Variants in B4GALT5 observed in about 807,000 individuals in gnomAD.
B4GALT5 encodes beta-1,4-galactosyltransferase 5.
In B4GALT5, 11 loss-of-function variants were observed where a neutral mutation model predicts 45.0. That is an observed-to-expected ratio of 0.24 (90% CI 0.15 to 0.40). The LOEUF (loss-of-function observed/expected upper bound fraction) is 0.40. Among genes scored for constraint, B4GALT5 ranks in the 10% least tolerant of loss-of-function variants. B4GALT5 has a pLI of 1.00. For missense variants in B4GALT5, 337 were observed against 500.2 expected, an observed-to-expected ratio of 0.67 and a Z score of 3.11; for synonymous variants, 185 against 182.9, an observed-to-expected ratio of 1.01 and a Z score of -0.09.
intron 1 of B4GALT5, among the ~76,000 whole-genome samples, chr20:49,684,228 T>C (rs1455838688): frequency 1.3e-5 from 2 of 151,724 alleles, no homozygotes; most frequent in Admixed American, 6.6e-5. Context: ...GTCTTGTATA[T>C]GGTGAGCGCT....
At chr20:49,693,181 C>T (rs1055826011) in intron 1 of B4GALT5, among the ~76,000 whole-genome samples, 17 of 152,140 alleles carry the variant, frequency 1.1e-4, no homozygotes, top group African/African-American at 4.1e-4. Flanking sequence ...GATGTATCCC[C>T]ATACTTATGC....
At chr20:49,680,821 T>C (rs903353912) in intron 1 of B4GALT5, among the ~76,000 whole-genome samples, 7 of 151,994 alleles carry the variant, frequency 4.6e-5, no homozygotes, top group African/African-American at 1.7e-4. Context: ...AGCAAGTTTA[T>C]TAAGAAAGTA....
At position 49,656,643 on chromosome 20, in the gene B4GALT5, T is replaced by C; in HGVS notation, c.175A>G (p.Thr59Ala). ...TGCTCATAAACCTGAGCACCGATTG[T>C]TCTCACGTTGTCCCGGATCAGAATG... ...QGILIRDNVR[T>A]IGAQVYEQVL... Residue 59 changes from threonine (T) to alanine (A), a missense_variant, in exon 2 of 9, where the codon ACA (threonine) becomes GCA (alanine). Thr to Ala is a moderately conservative substitution (Grantham distance 58). Coordinates refer to ENST00000371711, the MANE Select transcript of B4GALT5 (RefSeq NM_004776.4). The C allele has an allele frequency of 6.2e-7, 1 of 1,614,218 alleles. No individual in the cohort carries two copies. The highest frequency in any genetic ancestry group is 8.5e-7 in the Non-Finnish European group (1 of 1,180,048).
At chr20:49,660,076 C>T (rs893464857) in intron 1 of B4GALT5, among the ~76,000 whole-genome samples, 1 of 152,156 alleles carries the variant, frequency 6.6e-6, no homozygotes, top group Non-Finnish European at 1.5e-5. Context: ...ATGTGTGCCC[C>T]TCCCATATCA....
At chr20:49,698,676 C>T (rs77102312) in intron 1 of B4GALT5, among the ~76,000 whole-genome samples, 3,285 of 152,216 alleles carry the variant, frequency 0.022, 135 homozygotes, top group African/African-American at 0.076. Flanking sequence ...GACAACTGGA[C>T]GCACATCACA....
chr20:49,662,387 G>C (rs896641136), intron 1 of B4GALT5, among the ~76,000 whole-genome samples: 1 of 152,102 alleles, frequency 6.6e-6, no homozygotes, highest in African/African-American at 2.4e-5. Context: ...AGCTCCATTA[G>C]GGCAAGGCTG....
chr20:49,686,180 T>C (rs899387588), intron 1 of B4GALT5, among the ~76,000 whole-genome samples: 9 of 152,250 alleles, frequency 5.9e-5, no homozygotes, highest in African/African-American at 2.2e-4. Context: ...CCATTCAAAA[T>C]TGTCCATTCT....
chr20:49,711,771 T>A (rs1440597155), intron 1 of B4GALT5, among the ~76,000 whole-genome samples: 1 of 152,224 alleles, frequency 6.6e-6, no homozygotes, highest in Non-Finnish European at 1.5e-5. Context: ...TGCTGCCTGT[T>A]CTATCTTCCC....
At chr20:49,642,705 C>T in intron 4 of B4GALT5, 121 bp from the exon 5 acceptor site, 1 of 680,026 alleles carries the variant, frequency 1.5e-6, no homozygotes, top group Non-Finnish European at 2.6e-6. Flanking sequence ...CTATCTTGTC[C>T]TCAGCTTTCT....
intron 3 of B4GALT5, among the ~76,000 whole-genome samples, chr20:49,646,284 G>A (rs933045566): frequency 2.0e-5 from 3 of 152,186 alleles, no homozygotes; most frequent in African/African-American, 7.2e-5. Context: ...AAAGTCTACA[G>A]TAGTGCAGAG....
At chr20:49,694,220 T>C (rs2085828150) in intron 1 of B4GALT5, among the ~76,000 whole-genome samples, 1 of 152,212 alleles carries the variant, frequency 6.6e-6, no homozygotes, top group African/African-American at 2.4e-5. Flanking sequence ...AGAGGCGATG[T>C]GCCTAGATGG....
At chr20:49,689,638 G>A (rs1360370614) in intron 1 of B4GALT5, among the ~76,000 whole-genome samples, 2 of 152,036 alleles carry the variant, frequency 1.3e-5, no homozygotes, top group Admixed American at 6.5e-5. Context: ...CAAGTAAACT[G>A]CGGAGATCAG....
chr20:49,639,600 T>C lies in B4GALT5; in HGVS notation c.917+78A>G, dbSNP rs1031394861. ...TGTTAAATTACACACATGGCTTGCA[T>C]TATATTCCTATCGGATAGTATTGGT... is the stretch of plus-strand genomic sequence containing the variant. On this transcript the variant is annotated intron_variant, in intron 7 of 8. Coordinates refer to ENST00000371711, the MANE Select transcript of B4GALT5 (RefSeq NM_004776.4). 5 of 1,556,114 alleles carry C rather than the reference T, an allele frequency of 3.2e-6. No individual in the cohort carries two copies. In the East Asian group the frequency reaches 9.3e-5, roughly 29 times the overall value.
chr20:49,660,865 C>T (rs2085662213), intron 1 of B4GALT5, among the ~76,000 whole-genome samples: 1 of 152,114 alleles, frequency 6.6e-6, no homozygotes, highest in African/African-American at 2.4e-5. Flanking sequence ...GTAGTGTGCG[C>T]CTGTAGTCCC....
In B4GALT5 at chr20:49,640,599, A is replaced by C. The variant is rs113757829; in HGVS notation, c.673T>G (p.Leu225Val). The C allele has an allele frequency of 6.2e-7, 1 of 1,613,966 alleles. No homozygotes were observed. The highest frequency in any genetic ancestry group is 2.2e-5 in the East Asian group (1 of 44,884). ...NVGFQEAMKD[L>V]DWDCLIFHDV... is the part of the protein sequence containing the mutation. ...TGAAAAATCAAACAGTCCCAATCCA[A>C]GTCTTTCATTGCCTCTTGAAAGCCA... The change falls in exon 6 of 9, where the codon TTG (leucine) becomes GTG (valine). Residue 225 changes from leucine (L) to valine (V), a missense_variant. Physicochemically the swap from Leu to Val is conservative, Grantham distance 32 (BLOSUM62 1). Coordinates refer to ENST00000371711, the MANE Select transcript of B4GALT5 (RefSeq NM_004776.4).
intron 1 of B4GALT5, among the ~76,000 whole-genome samples, chr20:49,709,550 T>C (rs1162678223): frequency 6.6e-6 from 1 of 152,104 alleles, no homozygotes; most frequent in Non-Finnish European, 1.5e-5. Context: ...GGTGGGTGGA[T>C]CACTTGAGGT....
rs1413009383 is a variant in B4GALT5, at chr20:49,656,682, T to A, written c.136A>T (p.Met46Leu). The change falls in exon 2 of 9, where the codon ATG becomes TTG. Residue 46 changes from methionine (M) to leucine (L), a missense_variant. Physicochemically the swap from Met to Leu is conservative, Grantham distance 15. Transcript: ENST00000371711. ...PGIVNTYLFM[M>L]QAQGILIRDN... The stretch of plus-strand genomic sequence containing the variant: ...CGGATCAGAATGCCTTGGGCTTGCA[T>A]CATGAAGAGGTAGGTGTTCACTGCA... 6.2e-7 allele frequency: 1 copy of A among 1,614,158 alleles called. No individual in the cohort carries two copies.
intron 1 of B4GALT5, among the ~76,000 whole-genome samples, chr20:49,682,335 G>A (rs1423898219): frequency 2.0e-5 from 3 of 152,208 alleles, no homozygotes; most frequent in South Asian, 2.1e-4. Context: ...CTGCAGAGTC[G>A]AAAACGTTTA....
intron 1 of B4GALT5, among the ~76,000 whole-genome samples, chr20:49,700,004 C>G (rs1160995773): frequency 6.6e-6 from 1 of 152,110 alleles, no homozygotes; most frequent in Admixed American, 6.5e-5. Context: ...TCCTCCGCTG[C>G]CCCCCACCCT....
Sources: gnomAD v4.1 joint callset for allele counts (sites outside exome capture counted in the v4.1 genomes callset) on GRCh38, gnomAD v4.1.1 for gene constraint, MANE v1.5 for transcripts, NCBI Gene and HGNC (gene_info 2026-07-23, HGNC 2026-07-21) for gene names.